The following TMEM132D variants were observed in gnomAD, a reference collection of about 807,000 sequenced individuals.
TMEM132D encodes the protein mature OL transmembrane protein.
TMEM132D carries 21 observed loss-of-function variants against 62.3 expected under a neutral mutation model. The ratio of observed to expected loss-of-function variants is 0.34; its 90% CI spans 0.24 to 0.49. TMEM132D has a LOEUF of 0.49. Ranked by LOEUF, TMEM132D falls within the 20% of genes least tolerant of loss-of-function variation. TMEM132D has a pLI of 0.99. For synonymous variants in TMEM132D, 621 were observed against 575.6 expected (o/e 1.08, Z -1.13); for missense variants, 1,346 against 1,402.8 (o/e 0.96, Z 0.65).
At chr12:129,483,237 T>G (rs1874482038) in intron 3 of TMEM132D, among the ~76,000 whole-genome samples, 2 of 152,244 alleles carry the variant, frequency 1.3e-5, no homozygotes, top group African/African-American at 4.8e-5. Flanking sequence ...TGCTTGACTT[T>G]TTCTTTCTTT....
At chr12:129,113,869 C>T (rs1249261677) in intron 5 of TMEM132D, among the ~76,000 whole-genome samples, 2 of 151,740 alleles carry the variant, frequency 1.3e-5, no homozygotes, top group Non-Finnish European at 1.5e-5. Context: ...AGACCAGGGG[C>T]CCACTTGCAG....
chr12:129,266,332 T>C (rs996620295), intron 4 of TMEM132D, among the ~76,000 whole-genome samples: 1 of 152,020 alleles, frequency 6.6e-6, no homozygotes, highest in Non-Finnish European at 1.5e-5. Flanking sequence ...GGATCAGGAC[T>C]TGGCTCTTTC....
At chr12:129,636,737 T>TGTGTGTGTGAGAGA (rs375868329) in intron 2 of TMEM132D, among the ~76,000 whole-genome samples, 7,351 of 112,994 alleles carry the variant, frequency 0.065, 377 homozygotes, top group African/African-American at 0.12. Context: ...TGTGTGTGTG[T>TGTGTGTGTGAGAGA]GAGAGAGAGA....
intron 1 of TMEM132D, among the ~76,000 whole-genome samples, chr12:129,859,654 C>T (rs183271337): frequency 6.6e-6 from 1 of 152,284 alleles, no homozygotes; most frequent in African/African-American, 2.4e-5. Flanking sequence ...AAAAAGCAGG[C>T]AAAGAGGGTG....
At chr12:129,692,822 G>T (rs1168092471) in intron 2 of TMEM132D, among the ~76,000 whole-genome samples, 1 of 151,908 alleles carries the variant, frequency 6.6e-6, no homozygotes, top group Non-Finnish European at 1.5e-5. Flanking sequence ...ACAGAGAGCG[G>T]AACAACATTC....
At chr12:129,354,747 A>G (rs943571546) in intron 3 of TMEM132D, among the ~76,000 whole-genome samples, 1 of 152,170 alleles carries the variant, frequency 6.6e-6, no homozygotes, top group African/African-American at 2.4e-5. Context: ...CAGGTAAAAA[A>G]TCTATTCTCC....
chr12:129,337,510 G>C (rs992825664), intron 4 of TMEM132D, 124 bp downstream of exon 4: 16 of 1,152,042 alleles, frequency 1.4e-5, no homozygotes, highest in East Asian at 7.5e-5. Flanking sequence ...TTGTGGTTTC[G>C]TTTCTCACTG....
chr12:129,729,479 A>C (rs1869146658), intron 1 of TMEM132D, among the ~76,000 whole-genome samples: 1 of 152,180 alleles, frequency 6.6e-6, no homozygotes, highest in East Asian at 1.9e-4. Flanking sequence ...TGCCCCCAGA[A>C]AGCAAAATCA....
At chr12:129,769,783 C>T (rs1419504875) in intron 1 of TMEM132D, among the ~76,000 whole-genome samples, 1 of 152,068 alleles carries the variant, frequency 6.6e-6, no homozygotes, top group Non-Finnish European at 1.5e-5. Flanking sequence ...GGTGTTTATC[C>T]AGGGGGTAAA....
intron 2 of TMEM132D, among the ~76,000 whole-genome samples, chr12:129,533,387 A>G (rs1876284189): frequency 6.6e-6 from 1 of 152,250 alleles, no homozygotes; most frequent in Non-Finnish European, 1.5e-5. Flanking sequence ...ACAAAAGTAC[A>G]ATCCGCTGTG....
At chr12:129,351,017 T>C (rs908513858) in intron 3 of TMEM132D, among the ~76,000 whole-genome samples, 7 of 152,134 alleles carry the variant, frequency 4.6e-5, no homozygotes, top group African/African-American at 1.7e-4. Context: ...AAACCCACGA[T>C]ATAGGATGGC....
intron 2 of TMEM132D, among the ~76,000 whole-genome samples, chr12:129,614,294 G>C (rs1878858294): frequency 6.6e-6 from 1 of 152,202 alleles, no homozygotes; most frequent in Non-Finnish European, 1.5e-5. Context: ...TCACATCATT[G>C]GATGTCCAGA....
chr12:129,094,793 C>T (rs1193893730), intron 5 of TMEM132D, among the ~76,000 whole-genome samples: 1 of 152,102 alleles, frequency 6.6e-6, no homozygotes, highest in African/African-American at 2.4e-5. Flanking sequence ...AAATGTCCAA[C>T]AATGATAGAC....
intron 3 of TMEM132D, among the ~76,000 whole-genome samples, chr12:129,515,726 A>T (rs1467819913): frequency 6.6e-6 from 1 of 152,278 alleles, no homozygotes; most frequent in South Asian, 2.1e-4. Context: ...CAGTCTTGCT[A>T]TATCCCCAAC....
intron 5 of TMEM132D, among the ~76,000 whole-genome samples, chr12:129,093,471 T>C (rs903406344): frequency 2.6e-5 from 4 of 152,148 alleles, no homozygotes; most frequent in East Asian, 1.9e-4. Context: ...GGAATCCAAC[T>C]TACAAGGGAT....
At chr12:129,199,668 G>C (rs1234888915) in intron 5 of TMEM132D, among the ~76,000 whole-genome samples, 1 of 152,156 alleles carries the variant, frequency 6.6e-6, no homozygotes, top group Non-Finnish European at 1.5e-5. Context: ...CACATGGCTG[G>C]GAGGTCTCAC....
At chr12:129,644,854 C>T (rs1414910368) in intron 2 of TMEM132D, among the ~76,000 whole-genome samples, 3 of 149,290 alleles carry the variant, frequency 2.0e-5, no homozygotes, top group Non-Finnish European at 3.0e-5. Flanking sequence ...AGCGTCGTGG[C>T]GGGTGCCTGT....
chr12:129,427,104 C>A (rs1317898426), intron 3 of TMEM132D, among the ~76,000 whole-genome samples: 1 of 152,190 alleles, frequency 6.6e-6, no homozygotes, highest in Non-Finnish European at 1.5e-5. Flanking sequence ...TGATCCTTGT[C>A]TTGTCAGTGC....
intron 5 of TMEM132D, among the ~76,000 whole-genome samples, chr12:129,105,571 A>G (rs201877828): frequency 9.5e-6 from 1 of 105,406 alleles, no homozygotes; most frequent in Admixed American, 9.8e-5. Context: ...AAAAAAAAAG[A>G]AAAAAACAAA....
Sources: allele counts gnomAD v4.1 joint callset (sites outside exome capture counted in the v4.1 genomes callset), GRCh38; gene constraint gnomAD v4.1.1; transcripts MANE v1.5; gene names NCBI Gene and HGNC (gene_info 2026-07-23, HGNC 2026-07-21).